Variants in ABCD3 observed in about 807,000 individuals in gnomAD.
ABCD3 encodes the protein ATP-binding cassette sub-family D member 3.
ABCD3 carries 41 observed loss-of-function variants against 105.5 expected under a neutral mutation model. The ratio of observed to expected loss-of-function variants is 0.39; its 90% CI spans 0.30 to 0.50. The LOEUF is 0.50. Ranked by LOEUF, ABCD3 falls within the 20% of genes least tolerant of loss-of-function variation. The probability of loss-of-function intolerance (pLI) is 0.84; values close to 1 mark genes in which losing one functional copy is unlikely to be tolerated. For missense variants in ABCD3, 622 were observed against 806.3 expected, an observed-to-expected ratio of 0.77 and a Z score of 2.77; for synonymous variants, 258 against 269.0, an observed-to-expected ratio of 0.96 and a Z score of 0.40.
intron 16 of ABCD3, among the ~76,000 whole-genome samples, chr1:94,496,694 G>GTTTTTTTTTTTTTTTTTTTT (rs71094302): frequency 2.5e-5 from 1 of 39,368 alleles, no homozygotes; most frequent in Admixed American, 5.1e-4. Flanking sequence ...CCTTGTTTCT[G>GTTTTTTTTTTTTTTTTTTTT]TTTTTTTTTT....
the ABCD3 span, among the ~76,000 whole-genome samples, chr1:94,393,670 A>G: frequency 1.3e-5 from 2 of 152,048 alleles, no homozygotes; most frequent in Non-Finnish European, 2.9e-5. Context: ...GAAAGAAAGA[A>G]GATTGCGACT....
At chr1:94,514,742 T>TA (rs1241301200) in intron 21 of ABCD3, 1 of 172,350 alleles carries the variant, frequency 5.8e-6, no homozygotes, top group Non-Finnish European at 1.3e-5. Context: ...AACAGTAGTT[T>TA]ACGGTAGGGG....
At chr1:94,454,492 G>A (rs186258733) in intron 1 of ABCD3, among the ~76,000 whole-genome samples, 38 of 152,184 alleles carry the variant, frequency 2.5e-4, no homozygotes, top group African/African-American at 8.7e-4. Context: ...TCAGGGGCTC[G>A]GGAAAGAGGA....
intron 1 of ABCD3, among the ~76,000 whole-genome samples, chr1:94,429,333 A>C: frequency 6.6e-6 from 1 of 152,196 alleles, no homozygotes; most frequent in Non-Finnish European, 1.5e-5. Context: ...CCATTTTCTG[A>C]GGGGAAATGC....
chr1:94,449,218 C>T (rs530247491), intron 1 of ABCD3, among the ~76,000 whole-genome samples: 13 of 152,308 alleles, frequency 8.5e-5, no homozygotes, highest in Non-Finnish European at 1.2e-4. Context: ...CCGAGGACCC[C>T]GTAGTTGCAG....
intron 21 of ABCD3, among the ~76,000 whole-genome samples, chr1:94,510,058 T>C (rs895541026): frequency 2.6e-5 from 4 of 152,172 alleles, no homozygotes; most frequent in Non-Finnish European, 5.9e-5. Context: ...CTCTTGCTTT[T>C]CTAGTTCTTT....
chr1:94,499,196 C>T (rs1181999056), intron 19 of ABCD3, among the ~76,000 whole-genome samples, 162 bp downstream of exon 19: 3 of 152,158 alleles, frequency 2.0e-5, no homozygotes, highest in Non-Finnish European at 4.4e-5. Flanking sequence ...AATCCCTTGG[C>T]TTAAAAAGAG....
At position 94,468,637 on chromosome 1, in the gene ABCD3, A is replaced by G. The variant is rs528989233; in HGVS notation, c.335+630A>G. ...TTCATAATACCAATTAGAATGTCAG[A>G]GTAAACATTTTTGCTAGGAATTTTA... is the stretch of plus-strand genomic sequence containing the variant. On this transcript the variant is annotated intron_variant, in intron 4 of 22. Transcript: ENST00000370214. Among the ~76,000 whole-genome samples the G allele has an allele frequency of 2.6e-5, 4 of 152,350 alleles. No individual in the cohort carries two copies. The South Asian group carries it at 8.3e-4, about 32-fold the overall frequency.
chr1:94,455,207 T>C (rs1647488316), intron 1 of ABCD3, among the ~76,000 whole-genome samples: 2 of 152,256 alleles, frequency 1.3e-5, no homozygotes, highest in African/African-American at 4.8e-5. Context: ...GTACTCATAC[T>C]GAATTGTTTT....
chr1:94,473,715 G>A, intron 4 of ABCD3, 51 bp from the exon 5 acceptor site: 1 of 1,339,386 alleles, frequency 7.5e-7, no homozygotes, highest in South Asian at 1.2e-5. Context: ...TTTTCCTAGT[G>A]TTAGATTTTG....
intron 1 of ABCD3, among the ~76,000 whole-genome samples, chr1:94,447,162 A>G (rs555041776): frequency 6.0e-4 from 92 of 152,370 alleles, no homozygotes; most frequent in Non-Finnish European, 1.1e-3. Context: ...GGATAGAACA[A>G]TGGCCACTAA....
At chr1:94,429,826 C>T (rs1422384974) in intron 1 of ABCD3, among the ~76,000 whole-genome samples, 2 of 152,246 alleles carry the variant, frequency 1.3e-5, no homozygotes, top group African/African-American at 4.8e-5. Context: ...AGCCCCCACA[C>T]AGAATCCCTG....
At position 94,491,194 on chromosome 1, in the gene ABCD3, G is replaced by A; in HGVS notation, c.1333G>A (p.Val445Ile). Reference protein sequence around the residue: ...IADNIIKFDHVPLATPNGDVL... With the variant: ...IADNIIKFDHIPLATPNGDVL... ...AAATTTCCTCTATAGGTTTGATCAT[G>A]TTCCTTTAGCAACGCCAAATGGAGA... Residue 445 changes from valine (V) to isoleucine (I), a missense_variant, in exon 16 of 23, where the codon GTT (valine) becomes ATT (isoleucine). Transcript: ENST00000370214. The A allele has an allele frequency of 6.2e-7, 1 of 1,611,612 alleles. No individual in the cohort carries two copies. The highest frequency in any genetic ancestry group is 8.5e-7 in the Non-Finnish European group (1 of 1,178,240).
chr1:94,463,407 C>T (rs1405689054), intron 2 of ABCD3, among the ~76,000 whole-genome samples: 1 of 152,154 alleles, frequency 6.6e-6, no homozygotes, highest in African/African-American at 2.4e-5. Context: ...TATTATTATT[C>T]TAATTCAGTA....
chr1:94,434,222 A>G (rs1190803002), intron 1 of ABCD3, among the ~76,000 whole-genome samples: 1 of 152,330 alleles, frequency 6.6e-6, no homozygotes, highest in Middle Eastern at 3.4e-3. Flanking sequence ...TTCCACTTCT[A>G]TATCTTGTCC....
Position 94,419,922 on chromosome 1 carries a change from G to A in ABCD3, c.110+1334G>A, listed in dbSNP as rs1308051738. On this transcript the variant is annotated intron_variant, in intron 1 of 22. Coordinates refer to ENST00000370214, the MANE Select transcript of ABCD3 (RefSeq NM_002858.4). Reference sequence around the variant, plus strand: ...AAAAAGCAAGTTTTTCTGTTGGTTTGTATGAACTCCCAGTTGCAAATAGAA... The same window carrying A: ...AAAAAGCAAGTTTTTCTGTTGGTTTATATGAACTCCCAGTTGCAAATAGAA... Among the ~76,000 whole-genome samples, 6 of 152,272 alleles carry A rather than the reference G, an allele frequency of 3.9e-5. No individual in the cohort carries two copies. In the East Asian group the frequency reaches 9.6e-4, roughly 24 times the overall value.
intron 4 of ABCD3, 110 bp downstream of exon 4, chr1:94,468,117 C>T: frequency 1.2e-6 from 1 of 836,684 alleles, no homozygotes. Context: ...AAAAGATAAC[C>T]CAAGTCAAAT....
At chr1:94,462,990 G>A (rs1647951986) in intron 2 of ABCD3, among the ~76,000 whole-genome samples, 1 of 152,218 alleles carries the variant, frequency 6.6e-6, no homozygotes. Context: ...GGTTTAGCTT[G>A]AGGAGAATAG....
intron 16 of ABCD3, among the ~76,000 whole-genome samples, chr1:94,492,016 G>A (rs1485986868): frequency 6.6e-6 from 1 of 152,122 alleles, no homozygotes; most frequent in Non-Finnish European, 1.5e-5. Flanking sequence ...TGATGGAAAT[G>A]CTCTATACTT....
Sources: allele counts gnomAD v4.1 joint callset (sites outside exome capture counted in the v4.1 genomes callset), GRCh38; gene constraint gnomAD v4.1.1; transcripts MANE v1.5; gene names NCBI Gene and HGNC (gene_info 2026-07-23, HGNC 2026-07-21).